LHFPL3: variants seen among roughly 807,000 people sequenced by gnomAD.
The protein encoded by LHFPL3 is LHFPL tetraspan subfamily member 3, also known as LHFPL tetraspan subfamily member 3 protein.
LHFPL3 carries 5 observed loss-of-function variants against 19.3 expected under a neutral mutation model. The observed-to-expected ratio is 0.26, with a 90% CI of 0.14 to 0.54. The LOEUF is 0.54. LHFPL3 is among the 20% of genes least tolerant of loss of function. LHFPL3 has a pLI of 0.94. For synonymous variants in LHFPL3, 133 were observed against 126.2 expected (o/e 1.05, Z -0.36); for missense variants, 249 against 307.4 (o/e 0.81, Z 1.42).
At chr7:104,547,659 G>C (rs1794598681) in intron 1 of LHFPL3, among the ~76,000 whole-genome samples, 2 of 152,134 alleles carry the variant, frequency 1.3e-5, no homozygotes, top group African/African-American at 4.8e-5. Flanking sequence ...CCATGTTTCT[G>C]TACCCTATTC....
At chr7:104,476,218 C>T (rs1367828782) in intron 1 of LHFPL3, among the ~76,000 whole-genome samples, 4 of 152,086 alleles carry the variant, frequency 2.6e-5, no homozygotes, top group East Asian at 1.9e-4. Context: ...AAAGGTTTTC[C>T]GACTTGAAGA....
rs1467738161 is a variant in LHFPL3 at position 104,392,196 on chromosome 7, G to C, written c.445+62972G>C. Reference sequence around the variant, plus strand: ...CTTTATTTCTTTCTCCTGCCTGATTGCCCTGGCCAGAACTTCCAACACTAT... The same window carrying C: ...CTTTATTTCTTTCTCCTGCCTGATTCCCCTGGCCAGAACTTCCAACACTAT... On this transcript the variant is annotated intron_variant, in intron 1 of 2. Coordinates refer to ENST00000424859, the MANE Select transcript of LHFPL3 (RefSeq NM_199000.3). 2.0e-5 allele frequency among the ~76,000 whole-genome samples: 3 copies of C among 151,854 alleles called. 1 individual carries two copies. Among genetic ancestry groups the C allele is most frequent in the African/African-American group, 7.2e-5 (3 of 41,448 alleles).
At chr7:104,657,256 C>G (rs895916173) in intron 1 of LHFPL3, among the ~76,000 whole-genome samples, 1 of 152,216 alleles carries the variant, frequency 6.6e-6, no homozygotes, top group Non-Finnish European at 1.5e-5. Context: ...TACAACCTGT[C>G]TTTGAAGCAT....
intron 1 of LHFPL3, among the ~76,000 whole-genome samples, chr7:104,715,455 A>G (rs1217639655): frequency 6.6e-6 from 1 of 152,242 alleles, no homozygotes; most frequent in Non-Finnish European, 1.5e-5. Context: ...AGAAATAACA[A>G]GAGTGGTCAT....
intron 1 of LHFPL3, among the ~76,000 whole-genome samples, chr7:104,376,539 C>T (rs1161874825): frequency 6.6e-6 from 1 of 152,150 alleles, no homozygotes; most frequent in Non-Finnish European, 1.5e-5. Context: ...GTCCCTGCTA[C>T]TTTTTATGGA....
chr7:104,843,630 C>A (rs1191889672), intron 2 of LHFPL3, among the ~76,000 whole-genome samples: 2 of 152,130 alleles, frequency 1.3e-5, no homozygotes, highest in African/African-American at 2.4e-5. Context: ...GTCTTTCAAG[C>A]CTTTGAATAA....
At chr7:104,711,622 A>T (rs998827497) in intron 1 of LHFPL3, among the ~76,000 whole-genome samples, 5 of 152,078 alleles carry the variant, frequency 3.3e-5, no homozygotes, top group East Asian at 1.9e-4. Context: ...TTAAGAATTT[A>T]AAAAAAACAA....
intron 1 of LHFPL3, among the ~76,000 whole-genome samples, chr7:104,646,912 A>G (rs1791945742): frequency 6.6e-6 from 1 of 152,170 alleles, no homozygotes; most frequent in Non-Finnish European, 1.5e-5. Flanking sequence ...CTCCCCTTCC[A>G]TGTCCCAAGT....
chr7:104,538,830 G>A (rs976391433), intron 1 of LHFPL3, among the ~76,000 whole-genome samples: 8 of 147,486 alleles, frequency 5.4e-5, no homozygotes, highest in East Asian at 1.9e-4. Context: ...AGATTAAAGC[G>A]AGGACCTTAA....
At chr7:104,755,493 A>C (rs1231887073) in intron 2 of LHFPL3, among the ~76,000 whole-genome samples, 1 of 152,072 alleles carries the variant, frequency 6.6e-6, no homozygotes, top group Non-Finnish European at 1.5e-5. Flanking sequence ...TGATGCAAAA[A>C]GCAGGTCTAA....
intron 2 of LHFPL3, among the ~76,000 whole-genome samples, chr7:104,881,038 C>T (rs934992065): frequency 6.6e-6 from 1 of 151,942 alleles, no homozygotes; most frequent in African/African-American, 2.4e-5. Context: ...GGCGTGCTAG[C>T]AGGCACCTGT....
intron 2 of LHFPL3, among the ~76,000 whole-genome samples, chr7:104,835,858 A>G (rs1389285214): frequency 6.6e-6 from 1 of 151,870 alleles, no homozygotes; most frequent in Non-Finnish European, 1.5e-5. Context: ...TGCACTTATG[A>G]ACCTGTCACC....
At chr7:104,458,800 A>ACATT (rs1261969641) in intron 1 of LHFPL3, among the ~76,000 whole-genome samples, 1 of 151,934 alleles carries the variant, frequency 6.6e-6, no homozygotes, top group Admixed American at 6.6e-5. Flanking sequence ...CTAGGTCCCA[A>ACATT]CATTCTCAAA....
chr7:104,509,490 T>G (rs1793768533), intron 1 of LHFPL3, among the ~76,000 whole-genome samples: 1 of 152,042 alleles, frequency 6.6e-6, no homozygotes, highest in Non-Finnish European at 1.5e-5. Flanking sequence ...ATCACATGAT[T>G]GTATCAATAG....
At chr7:104,702,740 C>T (rs868667712) in intron 1 of LHFPL3, among the ~76,000 whole-genome samples, 9 of 152,320 alleles carry the variant, frequency 5.9e-5, no homozygotes, top group Middle Eastern at 3.4e-3. Context: ...CTTCAATTAA[C>T]CCCTACTTTC....
At chr7:104,877,719 TA>T (rs34014943) in intron 2 of LHFPL3, among the ~76,000 whole-genome samples, 40,258 of 151,842 alleles carry the variant, frequency 0.27, 5,521 homozygotes, top group East Asian at 0.44. Context: ...GAAGTTCCTT[TA>T]AAAAAAAGTT....
chr7:104,667,541 T>C (rs1238684907), intron 1 of LHFPL3, among the ~76,000 whole-genome samples: 3 of 152,340 alleles, frequency 2.0e-5, no homozygotes, highest in Non-Finnish European at 2.9e-5. Context: ...GATGAACTTA[T>C]GGTTGGATTA....
chr7:104,833,008 A>ATC lies in LHFPL3; in HGVS notation c.683-73178_683-73177insCT, dbSNP rs1308721073. ...GTTATAGGACATATATATTATATAT[A>ATC]TATATTATATATAATAGATATATTA... On this transcript the variant is annotated intron_variant, in intron 2 of 2. Transcript: ENST00000424859. Among the ~76,000 whole-genome samples, 33 of 99,188 alleles carry ATC rather than the reference A, an allele frequency of 3.3e-4. 1 individual carries two copies. Among genetic ancestry groups the ATC allele is most frequent in the African/African-American group, 1.2e-3 (30 of 24,304 alleles). 65.1% of individuals were successfully genotyped at this position (99,188 alleles called of 152,430 possible).
At chr7:104,524,404 C>A (rs1794143172) in intron 1 of LHFPL3, among the ~76,000 whole-genome samples, 1 of 152,178 alleles carries the variant, frequency 6.6e-6, no homozygotes, top group African/African-American at 2.4e-5. Context: ...TAGGAAGCCA[C>A]TTTGCTTCCT....
Sources: allele counts gnomAD v4.1 joint callset (sites outside exome capture counted in the v4.1 genomes callset), GRCh38; gene constraint gnomAD v4.1.1; transcripts MANE v1.5; gene names NCBI Gene and HGNC (gene_info 2026-07-23, HGNC 2026-07-21).